The following ZNRF1 variants were observed in gnomAD, a reference collection of about 807,000 sequenced individuals.
ZNRF1 encodes zinc and ring finger 1, also known as E3 ubiquitin-protein ligase ZNRF1.
Under a neutral mutation model 18.4 loss-of-function variants are expected in ZNRF1, and 3 were observed. The observed-to-expected ratio is 0.16, with a 90% CI of 0.07 to 0.42. The LOEUF (loss-of-function observed/expected upper bound fraction) is 0.42. Ranked by LOEUF, ZNRF1 falls within the 10% of genes least tolerant of loss-of-function variation. The pLI is 0.99. For synonymous variants in ZNRF1, 157 were observed against 144.2 expected, an observed-to-expected ratio of 1.09 and a Z score of -0.64; for missense variants, 310 against 329.8, an observed-to-expected ratio of 0.94 and a Z score of 0.47.
chr16:74,999,044 G>T lies in ZNRF1; in HGVS notation c.-628G>T. On this transcript the variant is annotated 5_prime_UTR_variant, in exon 1 of 5. Transcript: ENST00000335325. Reference sequence around the variant, plus strand: ...CCTCCATTGTCTCCACGGCGGCGAGGAGCGCCGGCGAGCGCAGCCCGGGAC... The same window carrying T: ...CCTCCATTGTCTCCACGGCGGCGAGTAGCGCCGGCGAGCGCAGCCCGGGAC... 6.6e-6 allele frequency: 1 copy of T among 150,746 alleles called. No individual in the cohort carries two copies. Among genetic ancestry groups the T allele is most frequent in the South Asian group, 2.0e-4 (1 of 4,980 alleles). 9.3% of individuals were successfully genotyped at this position (150,746 alleles called of 1,614,324 possible).
At chr16:75,024,736 A>G (rs1438531499) in intron 1 of ZNRF1, among the ~76,000 whole-genome samples, 2 of 152,276 alleles carry the variant, frequency 1.3e-5, no homozygotes, top group East Asian at 1.9e-4. Context: ...GCAGAAGACA[A>G]CAGACCTTTG....
At chr16:75,008,079 A>G (rs1009271995) in intron 1 of ZNRF1, among the ~76,000 whole-genome samples, 3 of 151,556 alleles carry the variant, frequency 2.0e-5, no homozygotes, top group African/African-American at 4.9e-5. Flanking sequence ...GGGTCTCACC[A>G]TGTTGCCCAG....
At chr16:75,070,912 T>C (rs1181540039) in intron 1 of ZNRF1, among the ~76,000 whole-genome samples, 1 of 152,222 alleles carries the variant, frequency 6.6e-6, no homozygotes, top group African/African-American at 2.4e-5. Context: ...AACTATGCTT[T>C]ATCCATTTGT....
intron 1 of ZNRF1, among the ~76,000 whole-genome samples, chr16:75,049,087 C>G (rs1486623552): frequency 6.6e-6 from 1 of 151,402 alleles, no homozygotes; most frequent in Non-Finnish European, 1.5e-5. Context: ...TCACTGCAAA[C>G]TCCGCCTCCA....
chr16:75,081,968 A>G (rs148156794), intron 1 of ZNRF1, among the ~76,000 whole-genome samples: 429 of 152,304 alleles, frequency 2.8e-3, no homozygotes, highest in Middle Eastern at 6.8e-3. Context: ...GGAGTTATAA[A>G]TCAATATTCA....
chr16:75,085,593 A>G (rs1489843505), intron 1 of ZNRF1, among the ~76,000 whole-genome samples: 3 of 152,138 alleles, frequency 2.0e-5, no homozygotes, highest in African/African-American at 4.8e-5. Flanking sequence ...TGTTTGTTTT[A>G]TAAGAAACTA....
intron 1 of ZNRF1, among the ~76,000 whole-genome samples, chr16:75,031,876 A>C (rs766758118): frequency 3.9e-5 from 6 of 152,082 alleles, no homozygotes; most frequent in Non-Finnish European, 7.4e-5. Flanking sequence ...ACCCGGTAGA[A>C]ATGCTGGGTA....
chr16:75,006,836 C>T (rs2034924963), intron 1 of ZNRF1, among the ~76,000 whole-genome samples: 2 of 152,150 alleles, frequency 1.3e-5, no homozygotes, highest in African/African-American at 2.4e-5. Flanking sequence ...ATAGTAATTA[C>T]CATGGGTTCA....
chr16:75,006,413 C>G (rs2034917722), intron 1 of ZNRF1, among the ~76,000 whole-genome samples: 1 of 152,108 alleles, frequency 6.6e-6, no homozygotes, highest in South Asian at 2.1e-4. Flanking sequence ...AAACCTAAAT[C>G]TTAACCTCAG....
chr16:75,100,582 G>A (rs2036244651), intron 2 of ZNRF1, among the ~76,000 whole-genome samples: 1 of 152,234 alleles, frequency 6.6e-6, no homozygotes, highest in South Asian at 2.1e-4. Flanking sequence ...CACACCTGGT[G>A]TGGGAAGCTG....
At chr16:75,004,786 TAC>T (rs1186697603) in intron 1 of ZNRF1, among the ~76,000 whole-genome samples, 1 of 152,126 alleles carries the variant, frequency 6.6e-6, no homozygotes, top group African/African-American at 2.4e-5. Flanking sequence ...CTAAATTTTA[TAC>T]AATCTTTTGT....
intron 1 of ZNRF1, among the ~76,000 whole-genome samples, chr16:75,085,347 A>G (rs918815045): frequency 6.6e-6 from 1 of 152,174 alleles, no homozygotes; most frequent in Non-Finnish European, 1.5e-5. Flanking sequence ...ATGTTGTTGC[A>G]TGTATCAGTA....
intron 1 of ZNRF1, among the ~76,000 whole-genome samples, chr16:75,043,885 G>A (rs2035482223): frequency 7.0e-6 from 1 of 142,438 alleles, no homozygotes; most frequent in Admixed American, 7.9e-5. Flanking sequence ...CACTTCCCTG[G>A]TTCAAGCCAT....
intron 1 of ZNRF1, among the ~76,000 whole-genome samples, chr16:75,071,163 A>C (rs900607395): frequency 1.3e-5 from 2 of 149,898 alleles, no homozygotes; most frequent in Non-Finnish European, 3.0e-5. Context: ...GCAGTGGTGC[A>C]ATCTTGGCTC....
intron 1 of ZNRF1, among the ~76,000 whole-genome samples, chr16:75,042,158 A>G (rs187450064): frequency 2.3e-4 from 35 of 152,326 alleles, no homozygotes; most frequent in African/African-American, 7.9e-4. Flanking sequence ...TTTGTCAGAT[A>G]TGATTTGCAA....
chr16:75,044,951 A>C (rs2035495885), intron 1 of ZNRF1, among the ~76,000 whole-genome samples: 1 of 152,202 alleles, frequency 6.6e-6, no homozygotes, highest in Non-Finnish European at 1.5e-5. Flanking sequence ...AATGTTGCAT[A>C]ATACTTCCAC....
intron 1 of ZNRF1, among the ~76,000 whole-genome samples, chr16:75,054,847 T>C (rs117538605): frequency 0.016 from 2,411 of 152,348 alleles, 32 homozygotes; most frequent in Middle Eastern, 0.034. Context: ...CCCACATCAC[T>C]GGGACCATCC....
intron 2 of ZNRF1, 35 bp downstream of exon 2, chr16:75,093,702 C>T (rs1382695556): frequency 6.4e-7 from 1 of 1,573,454 alleles, no homozygotes. Context: ...GCCTCCAGAG[C>T]ATCCGTCGGG....
chr16:75,010,711 G>GTGTTTTT (rs1367958306), intron 1 of ZNRF1, among the ~76,000 whole-genome samples: 17 of 74,346 alleles, frequency 2.3e-4, no homozygotes, highest in African/African-American at 5.8e-4. Flanking sequence ...GTTTTTTTTT[G>GTGTTTTT]TTTTTTTGTT....
Sources: gnomAD v4.1 joint callset for allele counts (sites outside exome capture counted in the v4.1 genomes callset) on GRCh38, gnomAD v4.1.1 for gene constraint, MANE v1.5 for transcripts, NCBI Gene and HGNC (gene_info 2026-07-23, HGNC 2026-07-21) for gene names.